MYO16: variants seen among roughly 807,000 people sequenced by gnomAD.
MYO16 encodes myosin XVI.
Under a neutral mutation model 205.3 loss-of-function variants are expected in MYO16, and 94 were observed. The observed-to-expected ratio is 0.46, with a 90% CI of 0.39 to 0.54. The LOEUF is 0.54. Ranked by LOEUF, MYO16 falls within the 20% of genes least tolerant of loss-of-function variation. The pLI is 0.00. For missense variants in MYO16, 2,315 were observed against 2,387.5 expected (o/e 0.97, Z 0.63); for synonymous variants, 988 against 954.0 (o/e 1.04, Z -0.66).
chr13:109,144,313 C>G (rs535256452), intron 32 of MYO16, among the ~76,000 whole-genome samples: 1 of 152,212 alleles, frequency 6.6e-6, no homozygotes, highest in Non-Finnish European at 1.5e-5. Flanking sequence ...CCATGCCCGG[C>G]CAAATGTATA....
At chr13:109,145,985 G>C (rs1051333197) in intron 32 of MYO16, among the ~76,000 whole-genome samples, 1 of 152,204 alleles carries the variant, frequency 6.6e-6, no homozygotes, top group Non-Finnish European at 1.5e-5. Context: ...CTGATACAGT[G>C]CATCCTTAGC....
At position 108,665,866 on chromosome 13, in the gene MYO16, T is replaced by TC. The variant is rs1306334903; in HGVS notation, c.29-16dup. 7.5e-6 allele frequency: 12 copies of TC among 1,608,658 alleles called. No individual in the cohort carries two copies. The highest frequency in any genetic ancestry group is 1.0e-5 in the Non-Finnish European group (12 of 1,177,030). ...GTTATAATAATAGGTCTGGTGACGC[T>TC]CCCCTTGCATTTCTTCCAGGTTGCT... is the stretch of plus-strand genomic sequence containing the variant. On this transcript the variant is annotated intron_variant, in intron 1 of 34. Transcript: ENST00000457511.
chr13:108,564,838 G>A, the MYO16 span, among the ~76,000 whole-genome samples: 2 of 152,186 alleles, frequency 1.3e-5, no homozygotes, highest in Non-Finnish European at 2.9e-5. Flanking sequence ...ATAAGGCAAA[G>A]ATGGGGGTCA....
chr13:108,897,749 C>T (rs1171010499), intron 14 of MYO16, among the ~76,000 whole-genome samples: 1 of 152,032 alleles, frequency 6.6e-6, no homozygotes, highest in African/African-American at 2.4e-5. Context: ...TAGAGAATGG[C>T]TTTCCTTCTT....
chr13:108,901,297 C>A (rs1340391806), intron 15 of MYO16, among the ~76,000 whole-genome samples: 2 of 152,074 alleles, frequency 1.3e-5, no homozygotes, highest in African/African-American at 4.8e-5. Flanking sequence ...TTTTGAAAAT[C>A]ACTAATAAAA....
chr13:108,878,759 T>A (rs1879450513), intron 12 of MYO16, among the ~76,000 whole-genome samples: 1 of 152,236 alleles, frequency 6.6e-6, no homozygotes, highest in African/African-American at 2.4e-5. Flanking sequence ...CCAAAGGTGC[T>A]GGCCCAGGCT....
intron 4 of MYO16, among the ~76,000 whole-genome samples, chr13:108,779,303 A>G (rs1295697678): frequency 6.6e-6 from 1 of 152,228 alleles, no homozygotes; most frequent in Non-Finnish European, 1.5e-5. Context: ...ATTACCACCA[A>G]TCATTTGAAA....
chr13:108,827,129 G>C (rs1366299117), intron 9 of MYO16, among the ~76,000 whole-genome samples: 1 of 152,028 alleles, frequency 6.6e-6, no homozygotes, highest in Non-Finnish European at 1.5e-5. Context: ...CAATAAAAAA[G>C]GGGGAACAAC....
chr13:108,862,387 T>C (rs1367073269), intron 11 of MYO16, among the ~76,000 whole-genome samples: 6 of 152,122 alleles, frequency 3.9e-5, no homozygotes, highest in Non-Finnish European at 8.8e-5. Context: ...TTTAGGGTGG[T>C]GTCTTTTGGG....
At chr13:108,548,441 G>C in the MYO16 span, among the ~76,000 whole-genome samples, 3 of 151,780 alleles carry the variant, frequency 2.0e-5, no homozygotes, top group Non-Finnish European at 4.4e-5. Flanking sequence ...TTGTGATGGT[G>C]AGAATGGTGG....
intron 19 of MYO16, among the ~76,000 whole-genome samples, chr13:108,962,962 C>T (rs926667540): frequency 6.6e-6 from 1 of 152,198 alleles, no homozygotes; most frequent in Non-Finnish European, 1.5e-5. Context: ...ATTACTATTT[C>T]CATTTTAACA....
chr13:109,191,225 A>G (rs1186164053), intron 34 of MYO16, among the ~76,000 whole-genome samples: 1 of 152,072 alleles, frequency 6.6e-6, no homozygotes, highest in Non-Finnish European at 1.5e-5. Flanking sequence ...GTCTCGAAAA[A>G]AAAAAAATTG....
At chr13:108,850,430 C>A (rs765940532) in intron 10 of MYO16, among the ~76,000 whole-genome samples, 2 of 152,236 alleles carry the variant, frequency 1.3e-5, no homozygotes, top group Non-Finnish European at 2.9e-5. Context: ...CCCCTGAATT[C>A]TTCCTTGTCT....
chr13:108,965,606 A>C (rs1883762835), intron 20 of MYO16, among the ~76,000 whole-genome samples: 1 of 151,976 alleles, frequency 6.6e-6, no homozygotes, highest in African/African-American at 2.4e-5. Context: ...GGGTTTCTCC[A>C]TGTTGGTCAG....
chr13:109,030,293 CA>C (rs1225227823), intron 23 of MYO16, among the ~76,000 whole-genome samples: 1 of 152,076 alleles, frequency 6.6e-6, no homozygotes, highest in Non-Finnish European at 1.5e-5. Flanking sequence ...AGACTCTTTT[CA>C]GCAAACCTCA....
chr13:108,617,067 C>T (rs1879374759), intron 1 of MYO16, among the ~76,000 whole-genome samples: 1 of 152,152 alleles, frequency 6.6e-6, no homozygotes, highest in Admixed American at 6.5e-5. Context: ...CATCCCTGAA[C>T]ATCTTCATTT....
the MYO16 span, among the ~76,000 whole-genome samples, chr13:108,582,746 A>G: frequency 6.6e-6 from 1 of 152,230 alleles, no homozygotes; most frequent in South Asian, 2.1e-4. Flanking sequence ...TAGGATGAAG[A>G]TGAAGACCCT....
chr13:109,137,644 T>C (rs1025912702), intron 31 of MYO16, among the ~76,000 whole-genome samples: 26 of 152,346 alleles, frequency 1.7e-4, no homozygotes, highest in African/African-American at 4.6e-4. Context: ...AAGATGTCCA[T>C]TGAGTTCAAA....
intron 23 of MYO16, among the ~76,000 whole-genome samples, chr13:109,039,184 G>A (rs1254979745): frequency 6.6e-6 from 1 of 152,230 alleles, no homozygotes; most frequent in Non-Finnish European, 1.5e-5. Context: ...TGACAAGGCA[G>A]TAGTGAGGCT....
Sources: gnomAD v4.1 joint callset for allele counts (sites outside exome capture counted in the v4.1 genomes callset) on GRCh38, gnomAD v4.1.1 for gene constraint, MANE v1.5 for transcripts, NCBI Gene and HGNC (gene_info 2026-07-23, HGNC 2026-07-21) for gene names.